TMEM45A: variants seen among roughly 807,000 people sequenced by gnomAD.
TMEM45A encodes the protein DNA polymerase-transactivated protein 4.
TMEM45A carries 25 observed loss-of-function variants against 32.0 expected under a neutral mutation model. The ratio of observed to expected loss-of-function variants is 0.78; its 90% CI spans 0.57 to 1.09. The LOEUF (loss-of-function observed/expected upper bound fraction) is 1.09, where lower values mean the gene tolerates loss of function less well. Among genes scored for constraint, TMEM45A ranks in the 50% least tolerant of loss-of-function variants. TMEM45A has a pLI of 0.00. For synonymous variants in TMEM45A, 122 were observed against 114.8 expected, an observed-to-expected ratio of 1.06 and a Z score of -0.40; for missense variants, 302 against 325.0, an observed-to-expected ratio of 0.93 and a Z score of 0.54.
chr3:100,550,895 C>T (rs1383609553), intron 1 of TMEM45A, among the ~76,000 whole-genome samples: 1 of 151,390 alleles, frequency 6.6e-6, no homozygotes. Context: ...TGCTTGGTAT[C>T]ATTAGAAGTG....
chr3:100,539,512 TAC>T (rs1559644665), intron 1 of TMEM45A, among the ~76,000 whole-genome samples: 3 of 146,302 alleles, frequency 2.1e-5, no homozygotes, highest in African/African-American at 5.4e-5. Flanking sequence ...CGTATACGTA[TAC>T]GTATATGTGG....
At chr3:100,558,666 T>G in intron 4 of TMEM45A, 77 bp downstream of exon 4, 1 of 1,458,334 alleles carries the variant, frequency 6.9e-7, no homozygotes, top group Non-Finnish European at 9.4e-7. Flanking sequence ...GGCAGTTTGC[T>G]CCCGGAGACT....
intron 1 of TMEM45A, among the ~76,000 whole-genome samples, chr3:100,509,228 A>G (rs1387523436): frequency 6.6e-6 from 1 of 152,236 alleles, no homozygotes; most frequent in Non-Finnish European, 1.5e-5. Flanking sequence ...CAAAACCACA[A>G]TGAGATATTA....
At chr3:100,508,920 T>C (rs1048823718) in intron 1 of TMEM45A, among the ~76,000 whole-genome samples, 1 of 151,914 alleles carries the variant, frequency 6.6e-6, no homozygotes, top group African/African-American at 2.4e-5. Context: ...AATGGTATTA[T>C]GATTAAGACC....
chr3:100,511,276 C>T (rs188002368), intron 1 of TMEM45A, among the ~76,000 whole-genome samples: 5,829 of 152,254 alleles, frequency 0.038, 163 homozygotes, highest in Non-Finnish European at 0.059. Context: ...GCGGATGTCT[C>T]GGCAGAAACT....
At chr3:100,575,806 A>G (rs1285350821) in intron 5 of TMEM45A, among the ~76,000 whole-genome samples, 1 of 152,264 alleles carries the variant, frequency 6.6e-6, no homozygotes, top group Non-Finnish European at 1.5e-5. Flanking sequence ...GGAAGGGGCT[A>G]GTAGCAGGAA....
intron 5 of TMEM45A, among the ~76,000 whole-genome samples, chr3:100,570,161 A>T (rs1294989804): frequency 1.3e-5 from 2 of 152,224 alleles, no homozygotes; most frequent in African/African-American, 2.4e-5. Context: ...ATTAATTTAA[A>T]TATCCATATA....
chr3:100,495,719 G>C (rs1367975735), intron 1 of TMEM45A, among the ~76,000 whole-genome samples: 1 of 152,118 alleles, frequency 6.6e-6, no homozygotes, highest in African/African-American at 2.4e-5. Context: ...TGGGTGGGTA[G>C]GGATGGGCAG....
At chr3:100,551,540 G>A (rs4928048) in intron 1 of TMEM45A, among the ~76,000 whole-genome samples, 63,897 of 152,026 alleles carry the variant, frequency 0.42, 13,608 homozygotes, top group Middle Eastern at 0.48. Context: ...TTTACAAGGA[G>A]TAAGTTGCAC....
chr3:100,524,220 T>G (rs1039751680), intron 1 of TMEM45A, among the ~76,000 whole-genome samples: 1 of 152,234 alleles, frequency 6.6e-6, no homozygotes, highest in African/African-American at 2.4e-5. Context: ...TCTATCCTGC[T>G]TCTTTCATTC....
chr3:100,496,311 G>A (rs185788297), intron 1 of TMEM45A, among the ~76,000 whole-genome samples: 1 of 152,334 alleles, frequency 6.6e-6, no homozygotes, highest in African/African-American at 2.4e-5. Context: ...ACGTTCTGAT[G>A]ATGGTCATGT....
At chr3:100,542,433 A>G (rs1187293344) in intron 1 of TMEM45A, among the ~76,000 whole-genome samples, 1 of 152,206 alleles carries the variant, frequency 6.6e-6, no homozygotes, top group Non-Finnish European at 1.5e-5. Flanking sequence ...AAGAAATTGC[A>G]ACAAAAACAA....
At chr3:100,555,148 G>GT in intron 1 of TMEM45A, 61 bp from the exon 2 acceptor site, 2 of 1,428,396 alleles carry the variant, frequency 1.4e-6, no homozygotes, top group Non-Finnish European at 1.9e-6. Flanking sequence ...AACAAGTGAT[G>GT]TTTTGTCCAG....
chr3:100,498,571 A>ATG (rs1448917582), intron 1 of TMEM45A, among the ~76,000 whole-genome samples: 6 of 151,644 alleles, frequency 4.0e-5, no homozygotes, highest in South Asian at 2.1e-4. Flanking sequence ...CTGTCCATGT[A>ATG]TGTGTGTGTG....
intron 4 of TMEM45A, among the ~76,000 whole-genome samples, chr3:100,565,634 T>C (rs1276129516): frequency 6.6e-6 from 1 of 152,214 alleles, no homozygotes; most frequent in African/African-American, 2.4e-5. Context: ...ACACTGTAAC[T>C]GACACATAGC....
intron 1 of TMEM45A, among the ~76,000 whole-genome samples, chr3:100,538,100 G>A (rs1158501620): frequency 2.0e-5 from 3 of 152,124 alleles, no homozygotes; most frequent in African/African-American, 4.8e-5. Context: ...CATCAGAATG[G>A]GTTATTAAAG....
chr3:100,514,611 C>T (rs932230432), intron 1 of TMEM45A, among the ~76,000 whole-genome samples: 1 of 152,026 alleles, frequency 6.6e-6, no homozygotes, highest in African/African-American at 2.4e-5. Flanking sequence ...GCAACAAAAG[C>T]CAAAATTGAC....
At chr3:100,541,480 A>C (rs1350206433) in intron 1 of TMEM45A, among the ~76,000 whole-genome samples, 1 of 148,252 alleles carries the variant, frequency 6.7e-6, no homozygotes, top group African/African-American at 2.5e-5. Context: ...TAAATCTTTA[A>C]TCCATCTTGA....
At chr3:100,540,456 A>G (rs1269349445) in intron 1 of TMEM45A, among the ~76,000 whole-genome samples, 2 of 152,226 alleles carry the variant, frequency 1.3e-5, no homozygotes, top group Non-Finnish European at 1.5e-5. Flanking sequence ...ATCATATGTC[A>G]TCAGGGAATT....
Sources: gnomAD v4.1 joint callset for allele counts (sites outside exome capture counted in the v4.1 genomes callset) on GRCh38, gnomAD v4.1.1 for gene constraint, MANE v1.5 for transcripts, NCBI Gene and HGNC (gene_info 2026-07-23, HGNC 2026-07-21) for gene names.